The following C14orf39 variants were observed in gnomAD, a reference collection of about 807,000 sequenced individuals.
The protein encoded by C14orf39 is protein SIX6OS1.
C14orf39 carries 66 observed loss-of-function variants against 85.6 expected under a neutral mutation model. The ratio of observed to expected loss-of-function variants is 0.77; its 90% CI spans 0.63 to 0.95. The LOEUF (loss-of-function observed/expected upper bound fraction) is 0.95. Ranked by LOEUF, C14orf39 falls within the 40% of genes least tolerant of loss-of-function variation. C14orf39 has a pLI of 0.00. For missense variants in C14orf39, 735 were observed against 663.9 expected (o/e 1.11, Z -1.18); for synonymous variants, 242 against 214.0 (o/e 1.13, Z -1.14).
chr14:60,465,826 C>A (rs1891755666), intron 11 of C14orf39, among the ~76,000 whole-genome samples, 153 bp downstream of exon 11: 1 of 147,132 alleles, frequency 6.8e-6, no homozygotes, highest in African/African-American at 2.5e-5. Flanking sequence ...TGAGTTTGCA[C>A]TAATGGCTGA....
At chr14:60,455,242 A>G (rs998327883) in intron 15 of C14orf39, 97 bp from the exon 16 acceptor site, 5 of 809,796 alleles carry the variant, frequency 6.2e-6, no homozygotes, top group Non-Finnish European at 9.4e-6. Context: ...GAGAATTAGC[A>G]TAGTAGGGAA....
chr14:60,441,473 T>G (rs1313891244), intron 17 of C14orf39, among the ~76,000 whole-genome samples: 3 of 152,170 alleles, frequency 2.0e-5, no homozygotes, highest in African/African-American at 7.2e-5. Context: ...TTTAAAATCA[T>G]AATATGTGAG....
chr14:60,487,798 T>C (rs1433182771), upstream of C14orf39, among the ~76,000 whole-genome samples: 1 of 152,236 alleles, frequency 6.6e-6, no homozygotes, highest in East Asian at 1.9e-4. Flanking sequence ...TGTTGCCTTT[T>C]TTATCATAGT....
chr14:60,450,071 G>T (rs1211392255), intron 16 of C14orf39, among the ~76,000 whole-genome samples: 1 of 152,174 alleles, frequency 6.6e-6, no homozygotes, highest in Non-Finnish European at 1.5e-5. Context: ...AGAGGTGCTG[G>T]CTTCAGTTGT....
intron 5 of C14orf39, among the ~76,000 whole-genome samples, chr14:60,475,185 C>T (rs1453196520): frequency 2.6e-5 from 4 of 152,120 alleles, no homozygotes; most frequent in South Asian, 2.1e-4. Flanking sequence ...AGTTTATTTG[C>T]ATAGAGGTGT....
At chr14:60,465,068 T>A (rs1891721132) in intron 11 of C14orf39, among the ~76,000 whole-genome samples, 1 of 152,138 alleles carries the variant, frequency 6.6e-6, no homozygotes. Flanking sequence ...TGTATAGAGT[T>A]CATCAGCGTT....
At chr14:60,463,290 T>C (rs1891613161) in intron 11 of C14orf39, among the ~76,000 whole-genome samples, 2 of 152,250 alleles carry the variant, frequency 1.3e-5, no homozygotes, top group Non-Finnish European at 2.9e-5. Context: ...CTTTATTAAT[T>C]TGTAAGAGTT....
rs1566670721 is a variant in C14orf39, at chr14:60,468,436, T to G, written c.767+9A>C. ...TCACATAAAATTTAATTTTAAAGGTTACCTATACCTTTCTTTCAGTTCTTT... is the reference window on the plus strand; with the variant it reads ...TCACATAAAATTTAATTTTAAAGGTGACCTATACCTTTCTTTCAGTTCTTT... On this transcript the variant is annotated intron_variant, in intron 9 of 17. Coordinates refer to ENST00000321731, the MANE Select transcript of C14orf39 (RefSeq NM_174978.3). 6 of 1,506,388 alleles carry G rather than the reference T, an allele frequency of 4.0e-6. No individual in the cohort carries two copies. The highest frequency in any genetic ancestry group is 1.4e-5 in the African/African-American group (1 of 71,020). 93.3% of individuals were successfully genotyped at this position (1,506,388 alleles called of 1,614,324 possible).
upstream of C14orf39, among the ~76,000 whole-genome samples, chr14:60,487,211 C>G (rs1257664152): frequency 1.3e-5 from 2 of 152,136 alleles, no homozygotes; most frequent in East Asian, 3.8e-4. Context: ...TACATTAGAT[C>G]TCCAGAACTT....
chr14:60,479,704 T>A (rs1397269424), intron 4 of C14orf39, among the ~76,000 whole-genome samples: 1 of 152,176 alleles, frequency 6.6e-6, no homozygotes, highest in Non-Finnish European at 1.5e-5. Context: ...TTAATCTGCT[T>A]TGACCAATTT....
At position 60,468,464 on chromosome 14, in the gene C14orf39, T is replaced by C. The variant is rs374781804; in HGVS notation, c.748A>G (p.Arg250Gly). Residue 250 changes from arginine (R) to glycine (G), a missense_variant, in exon 9 of 18, where the codon AGA (arginine) becomes GGA (glycine). Arg to Gly is a moderately radical substitution (Grantham distance 125). Transcript: ENST00000321731. ...LEEKNKNTEN[R>G]KELKERIFGK... ...CTATACCTTTCTTTCAGTTCTTTTC[T>C]GTTTTCTGTATTTTTGTTCTTTTCT... 29 of 1,592,314 alleles carry C rather than the reference T, an allele frequency of 1.8e-5. No homozygotes were observed. Among genetic ancestry groups the C allele is most frequent in the East Asian group, 2.3e-5 (1 of 44,062 alleles).
intron 7 of C14orf39, 140 bp downstream of exon 7, chr14:60,471,277 C>T: frequency 1.3e-6 from 1 of 766,048 alleles, no homozygotes; most frequent in East Asian, 2.9e-5. Flanking sequence ...CCAAGATGAC[C>T]TTTAAAATTA....
chr14:60,470,278 C>T (rs1036602864), intron 7 of C14orf39, among the ~76,000 whole-genome samples: 1 of 151,820 alleles, frequency 6.6e-6, no homozygotes, highest in Non-Finnish European at 1.5e-5. Context: ...TTAGCTAATA[C>T]AATGTCCTAA....
chr14:60,438,097 C>G (rs1180190332), intron 17 of C14orf39, among the ~76,000 whole-genome samples: 3 of 151,688 alleles, frequency 2.0e-5, no homozygotes, highest in African/African-American at 7.3e-5. Flanking sequence ...AATCAAATAG[C>G]ATATTAAGCA....
At chr14:60,468,677 TAAAAC>T (rs1371584364) in intron 8 of C14orf39, 141 bp from the exon 9 acceptor site, 1 of 439,290 alleles carries the variant, frequency 2.3e-6, no homozygotes. Flanking sequence ...TTACAGTTAT[TAAAAC>T]AAAAACAAAA....
chr14:60,505,194 C>G (rs986901351), intron 1 of C14orf39, among the ~76,000 whole-genome samples: 5 of 152,146 alleles, frequency 3.3e-5, no homozygotes, highest in Admixed American at 3.3e-4. Flanking sequence ...TTCTTTGTTA[C>G]AAGGTGCACA....
chr14:60,453,950 T>C (rs539617071), intron 16 of C14orf39, among the ~76,000 whole-genome samples: 58 of 152,054 alleles, frequency 3.8e-4, no homozygotes, highest in African/African-American at 1.3e-3. Flanking sequence ...TTTTGTAGTT[T>C]TCCTTATTCA....
At chr14:60,498,560 A>G (rs984209466) in intron 2 of C14orf39, among the ~76,000 whole-genome samples, 5 of 152,162 alleles carry the variant, frequency 3.3e-5, no homozygotes, top group African/African-American at 1.2e-4. Context: ...AAACTTTTTC[A>G]TTTATTTTAA....
chr14:60,511,280 G>A lies in C14orf39; in HGVS notation c.-144+4115C>T, dbSNP rs760916602. ...TGCCCATCCAGGATGCTCAGAAGCA[G>A]ATTCCAGTGTAAAAACGAGAAAAAC... On this transcript the variant is annotated intron_variant, in intron 1 of 5. Coordinates refer to the C14orf39 transcript ENST00000556799. The A allele has an allele frequency of 2.5e-6, 4 of 1,611,190 alleles. 1 individual carries two copies. The South Asian group carries it at 4.4e-5, about 18-fold the overall frequency.
Sources: gnomAD v4.1 joint callset for allele counts (sites outside exome capture counted in the v4.1 genomes callset) on GRCh38, gnomAD v4.1.1 for gene constraint, MANE v1.5 for transcripts, NCBI Gene and HGNC (gene_info 2026-07-23, HGNC 2026-07-21) for gene names.